RP1: variants seen among roughly 807,000 people sequenced by gnomAD.
RP1 encodes the protein oxygen-regulated protein 1.
Under a neutral mutation model 14.8 loss-of-function variants are expected in RP1, and 16 were observed. That is an observed-to-expected ratio of 1.08 (90% confidence interval 0.73 to 1.65). The LOEUF is 1.65. RP1 is among the 40% of genes most tolerant of loss of function. The pLI is 0.00. For missense variants in RP1, 2,631 were observed against 2,535.0 expected (o/e 1.04, Z -0.81); for synonymous variants, 876 against 883.6 (o/e 0.99, Z 0.15).
intron 15 of RP1, among the ~76,000 whole-genome samples, chr8:54,711,835 A>G (rs1472289687): frequency 4.6e-5 from 7 of 152,166 alleles, no homozygotes; most frequent in Non-Finnish European, 1.0e-4. Context: ...ACAAAAAAAC[A>G]GATTAATAAG....
Position 54,626,598 on chromosome 8 carries a change from G to A in RP1, c.2716G>A (p.Ala906Thr), listed in dbSNP as rs201538234. 94 of 1,613,408 alleles carry A rather than the reference G, an allele frequency of 5.8e-5. No homozygotes were observed. The Middle Eastern group carries it at 9.9e-4, about 17-fold the overall frequency. ...ASLKKPDFPE[A>T]IAHHSIQNYI... ...TTTGAAAAAACCTGATTTTCCTGAG[G>A]CTATTGCTCATCATTCAATTCAAAA... Residue 906 changes from alanine (A) to threonine (T), a missense_variant, in exon 4 of 4, where the codon GCT (alanine) becomes ACT (threonine). Coordinates refer to ENST00000220676, the MANE Select transcript of RP1 (RefSeq NM_006269.2).
chr8:54,611,179 C>T (rs898442329), upstream of RP1, among the ~76,000 whole-genome samples: 1 of 152,146 alleles, frequency 6.6e-6, no homozygotes, highest in East Asian at 1.9e-4. Flanking sequence ...GTGCAGGTCT[C>T]TTGTAGTTCA....
rs928107061 is a variant in RP1 at position 54,628,240 on chromosome 8, A to G, written c.4358A>G (p.Asn1453Ser). 1 of 1,614,014 alleles carries G rather than the reference A, an allele frequency of 6.2e-7. No homozygotes were observed. Among genetic ancestry groups the G allele is most frequent in the African/African-American group, 1.3e-5 (1 of 75,062 alleles). The change falls in exon 4 of 4, where the codon AAC becomes AGC. Residue 1453 changes from asparagine (N) to serine (S), a missense_variant. By Grantham distance (46) the Asn-to-Ser change is conservative. Coordinates refer to ENST00000220676, the MANE Select transcript of RP1 (RefSeq NM_006269.2). Reference sequence around the variant, plus strand: ...TCTGAAGAACCAGGCTCAATAACCAACAGCATGACATCAAGTGAAAGAAAC... The same window carrying G: ...TCTGAAGAACCAGGCTCAATAACCAGCAGCATGACATCAAGTGAAAGAAAC... ...RTSEEPGSIT[N>S]SMTSSERNIS...
At chr8:54,732,828 T>A (rs1808825599) in intron 17 of RP1, among the ~76,000 whole-genome samples, 1 of 152,182 alleles carries the variant, frequency 6.6e-6, no homozygotes, top group South Asian at 2.1e-4. Flanking sequence ...ATTTTTGTGA[T>A]CATTTCTGGG....
chr8:54,752,554 A>G (rs960292783), intron 19 of RP1, among the ~76,000 whole-genome samples: 7 of 152,128 alleles, frequency 4.6e-5, no homozygotes, highest in African/African-American at 1.4e-4. Context: ...TCATTCCTTC[A>G]TTTTTCAACC....
intron 24 of RP1, among the ~76,000 whole-genome samples, chr8:54,808,371 G>A (rs558929541): frequency 2.6e-5 from 4 of 152,182 alleles, no homozygotes; most frequent in Non-Finnish European, 5.9e-5. Context: ...CACTGTCCAG[G>A]ATCCCTCAAG....
chr8:54,626,467 C>G lies in RP1; in HGVS notation c.2585C>G (p.Ser862Ter), dbSNP rs1585563965. The G allele has an allele frequency of 6.2e-7, 1 of 1,613,594 alleles. No homozygotes were observed. The highest frequency in any genetic ancestry group is 1.1e-5 in the South Asian group (1 of 91,060). ...KKSLVSKVTD[S>*]HITLKSQKKR... ...AGTTTAGTTTCAAAAGTTACTGATTCACACATAACTTTAAAAAGCCAGAAA... is the reference window on the plus strand; with the variant it reads ...AGTTTAGTTTCAAAAGTTACTGATTGACACATAACTTTAAAAAGCCAGAAA... Residue 862 changes from serine (S) to a stop codon, truncating the protein, a stop_gained, in exon 4 of 4, where the codon TCA becomes TGA. Transcript: ENST00000220676. LOFTEE classifies it low-confidence loss of function (END_TRUNC).
intron 12 of RP1, chr8:54,697,247 G>A: frequency 1.2e-5 from 7 of 604,294 alleles, no homozygotes; most frequent in South Asian, 3.8e-5. Context: ...AACTGGAAAG[G>A]AAGGGTCAAA....
intron 24 of RP1, among the ~76,000 whole-genome samples, chr8:54,802,742 G>A (rs1184064095): frequency 6.6e-6 from 1 of 152,138 alleles, no homozygotes; most frequent in Admixed American, 6.5e-5. Flanking sequence ...TGAGAGAAAG[G>A]ACATAAACAC....
Position 54,627,132 on chromosome 8 carries a change from C to A in RP1, c.3250C>A (p.Pro1084Thr), listed in dbSNP as rs772039210. ...AGAGGAAACTCCAAAAGACCTCTTA[C>A]CAGTCCTGATGCTTCACCAATTGCA... Reference protein sequence around the residue: ...IEEETPKDLLPVLMLHQLQAS... With the variant: ...IEEETPKDLLTVLMLHQLQAS... The change falls in exon 4 of 4, where the codon CCA (proline) becomes ACA (threonine). Residue 1084 changes from proline to threonine, a missense_variant. By Grantham distance (38) the Pro-to-Thr change is conservative. Coordinates refer to ENST00000220676, the MANE Select transcript of RP1 (RefSeq NM_006269.2). The A allele has an allele frequency of 6.2e-7, 1 of 1,614,060 alleles. No homozygotes were observed. Among genetic ancestry groups the A allele is most frequent in the Admixed American group, 1.7e-5 (1 of 60,022 alleles).
chr8:54,589,968 C>G (rs1233571722), intron 1 of RP1, among the ~76,000 whole-genome samples: 4 of 151,988 alleles, frequency 2.6e-5, no homozygotes, highest in Non-Finnish European at 4.4e-5. Flanking sequence ...TTCCTTGAAC[C>G]TCCTAAGCTT....
chr8:54,791,822 G>A (rs1273325577), intron 24 of RP1, among the ~76,000 whole-genome samples: 1 of 151,898 alleles, frequency 6.6e-6, no homozygotes, highest in East Asian at 1.9e-4. Flanking sequence ...AATATAATCA[G>A]AAAATTAACC....
At chr8:54,561,266 A>G (rs899720558) in intron 1 of RP1, among the ~76,000 whole-genome samples, 1 of 152,188 alleles carries the variant, frequency 6.6e-6, no homozygotes, top group Non-Finnish European at 1.5e-5. Context: ...TAATACTTCC[A>G]CAAAAATATA....
chr8:54,864,395 C>G (rs148027391), intron 27 of RP1, among the ~76,000 whole-genome samples: 315 of 152,170 alleles, frequency 2.1e-3, no homozygotes, highest in African/African-American at 7.1e-3. Flanking sequence ...AGGCAAACAC[C>G]AAACAGAAAA....
intron 22 of RP1, among the ~76,000 whole-genome samples, chr8:54,763,640 A>G (rs1160279259): frequency 1.3e-5 from 2 of 152,200 alleles, no homozygotes; most frequent in Non-Finnish European, 2.9e-5. Flanking sequence ...ATAGTGTGCC[A>G]TTGAACTCCA....
chr8:54,640,006 A>C (rs1806425229), intron 3 of RP1, among the ~76,000 whole-genome samples: 1 of 152,074 alleles, frequency 6.6e-6, no homozygotes, highest in South Asian at 2.1e-4. Context: ...GTCTTATCTA[A>C]GAAATCTCTG....
intron 19 of RP1, among the ~76,000 whole-genome samples, chr8:54,746,120 A>G (rs1217402684): frequency 6.6e-6 from 1 of 152,228 alleles, no homozygotes; most frequent in Non-Finnish European, 1.5e-5. Context: ...TTTATAGCCA[A>G]TAGCTATTGT....
intron 8 of RP1, chr8:54,673,995 A>G: frequency 1.6e-6 from 2 of 1,229,616 alleles, no homozygotes; most frequent in Non-Finnish European, 2.3e-6. Context: ...ACTCTGTTCA[A>G]ATCTAGAAAA....
In RP1 at chr8:54,626,143, C is replaced by T; in HGVS notation, c.2261C>T (p.Ser754Phe). ...CSKSNLNSTI[S>F]KNFHRNKLNT... The stretch of plus-strand genomic sequence containing the variant: ...AAAAGTAATCTCAATTCCACGATTT[C>T]CAAGAATTTCCATAGAAATAAATTA... The change falls in exon 4 of 4, where the codon TCC (serine) becomes TTC (phenylalanine). Residue 754 changes from serine (S) to phenylalanine (F), a missense_variant. Physicochemically the swap from Ser to Phe is radical, Grantham distance 155 (BLOSUM62 -2). Transcript: ENST00000220676. The T allele has an allele frequency of 6.2e-7, 1 of 1,612,696 alleles. No individual in the cohort carries two copies. The highest frequency in any genetic ancestry group is 1.1e-5 in the South Asian group (1 of 90,882).
Sources: gnomAD v4.1 joint callset for allele counts (sites outside exome capture counted in the v4.1 genomes callset) on GRCh38, gnomAD v4.1.1 for gene constraint, MANE v1.5 for transcripts, NCBI Gene and HGNC (gene_info 2026-07-23, HGNC 2026-07-21) for gene names.